The following FXYD6 variants were observed in gnomAD, a reference collection of about 807,000 sequenced individuals.
FXYD6 encodes FXYD domain-containing ion transport regulator 6.
Under a neutral mutation model 16.7 loss-of-function variants are expected in FXYD6, and 7 were observed. The ratio of observed to expected loss-of-function variants is 0.42; its 90% CI spans 0.24 to 0.79. The LOEUF (loss-of-function observed/expected upper bound fraction) is 0.79, where lower values mean the gene tolerates loss of function less well. Among genes scored for constraint, FXYD6 ranks in the 30% least tolerant of loss-of-function variants. The pLI is 0.28. For synonymous variants in FXYD6, 49 were observed against 43.0 expected (o/e 1.14, Z -0.54); for missense variants, 111 against 116.2 (o/e 0.95, Z 0.21).
intron 2 of FXYD6, 189 bp from the exon 3 acceptor site, chr11:117,842,217 C>A: frequency 1.3e-6 from 1 of 758,402 alleles, no homozygotes; most frequent in Non-Finnish European, 2.1e-6. Flanking sequence ...ACCCTAAGGG[C>A]CGAGGTCAGT....
chr11:117,857,622 T>C (rs1010512139), intron 1 of FXYD6, among the ~76,000 whole-genome samples: 12 of 152,114 alleles, frequency 7.9e-5, no homozygotes, highest in Admixed American at 6.5e-4. Context: ...TTGGCCAAGA[T>C]GGTCTCGATC....
At chr11:117,858,001 T>G (rs999811724) in intron 1 of FXYD6, among the ~76,000 whole-genome samples, 1 of 152,142 alleles carries the variant, frequency 6.6e-6, no homozygotes, top group Non-Finnish European at 1.5e-5. Flanking sequence ...TTGGAATGTG[T>G]TTTATTTTTA....
intron 1 of FXYD6, among the ~76,000 whole-genome samples, chr11:117,861,355 G>A (rs1337892762): frequency 6.6e-6 from 1 of 152,214 alleles, no homozygotes; most frequent in African/African-American, 2.4e-5. Context: ...GCCAATAGCT[G>A]ACAGGTACAG....
At chr11:117,868,137 T>C (rs1011189533) in intron 1 of FXYD6, among the ~76,000 whole-genome samples, 2 of 152,166 alleles carry the variant, frequency 1.3e-5, no homozygotes, top group African/African-American at 4.8e-5. Context: ...GATTCTCCTA[T>C]CGGAAAAGTC....
Position 117,841,981 on chromosome 11 carries a change from A to G in FXYD6, c.97+9T>C. ...CCTGACCCCTGCACCCAGGGTTGCC[A>G]TCGCTCACCATAATGAAAAGGGTCC... is the stretch of plus-strand genomic sequence containing the variant. On this transcript the variant is annotated intron_variant, in intron 3 of 7. Coordinates refer to ENST00000526014, the MANE Select transcript of FXYD6 (RefSeq NM_022003.4). 6.2e-7 allele frequency: 1 copy of G among 1,614,186 alleles called. No homozygotes were observed. The highest frequency in any genetic ancestry group is 8.5e-7 in the Non-Finnish European group (1 of 1,180,030).
chr11:117,868,146 T>C (rs2057050246), intron 1 of FXYD6, among the ~76,000 whole-genome samples: 2 of 152,126 alleles, frequency 1.3e-5, no homozygotes, highest in Non-Finnish European at 2.9e-5. Flanking sequence ...ATCGGAAAAG[T>C]CTCTGTGCTA....
chr11:117,872,133 G>C lies in FXYD6; in HGVS notation c.-6+4459C>G, dbSNP rs1469473508. On this transcript the variant is annotated intron_variant, in intron 1 of 7. Transcript: ENST00000526014. The surrounding 1 kb of genome is among the most constrained non-coding windows in gnomAD (Gnocchi z 4.9). ...AACATCAGTGGGTAAAATGGAATGG[G>C]CTGAGAGGGTGGACGTTCACAGGCC... Among the ~76,000 whole-genome samples the C allele has an allele frequency of 6.6e-6, 1 of 152,200 alleles. No individual in the cohort carries two copies. The highest frequency in any genetic ancestry group is 1.5e-5 in the Non-Finnish European group (1 of 68,042).
intron 1 of FXYD6, among the ~76,000 whole-genome samples, chr11:117,869,670 A>AAAG (rs60207647): frequency 2.6e-3 from 388 of 151,718 alleles, no homozygotes; most frequent in African/African-American, 5.0e-3. Flanking sequence ...GACAGAGGAA[A>AAAG]AAGAAGAAGA....
At chr11:117,847,541 G>A (rs906163409) in intron 1 of FXYD6, among the ~76,000 whole-genome samples, 4 of 129,172 alleles carry the variant, frequency 3.1e-5, no homozygotes, top group South Asian at 4.9e-4. Context: ...AGGCCCCGGT[G>A]TGTGATGTTC....
intron 1 of FXYD6, among the ~76,000 whole-genome samples, chr11:117,873,805 C>A (rs2057193148): frequency 6.6e-6 from 1 of 152,158 alleles, no homozygotes; most frequent in Non-Finnish European, 1.5e-5. Flanking sequence ...AGGAAACTGC[C>A]CTTTCTCCCC....
intron 7 of FXYD6, chr11:117,839,156 T>G (rs549163898): frequency 6.5e-6 from 1 of 153,046 alleles, no homozygotes; most frequent in East Asian, 1.9e-4. Flanking sequence ...GTTTCACCTA[T>G]AAAATGGGCT....
At chr11:117,876,295 C>T (rs1388924099) in intron 1 of FXYD6, among the ~76,000 whole-genome samples, 1 of 152,164 alleles carries the variant, frequency 6.6e-6, no homozygotes, top group Non-Finnish European at 1.5e-5. Flanking sequence ...AAAACCCTGA[C>T]CCCAAGCTCA....
At chr11:117,841,086 A>C (rs974693517) in intron 5 of FXYD6, 62 bp downstream of exon 5, 37 of 1,604,408 alleles carry the variant, frequency 2.3e-5, no homozygotes, top group Non-Finnish European at 3.2e-5. Context: ...GTCACACACC[A>C]GGGGTCCCTT....
intron 1 of FXYD6, among the ~76,000 whole-genome samples, chr11:117,858,852 T>C (rs1216062712): frequency 6.6e-6 from 1 of 151,340 alleles, no homozygotes; most frequent in African/African-American, 2.4e-5. Flanking sequence ...CTTGGCTCAC[T>C]GCAACCTCCT....
intron 1 of FXYD6, among the ~76,000 whole-genome samples, chr11:117,844,523 C>T (rs2056429549): frequency 6.6e-6 from 1 of 152,060 alleles, no homozygotes; most frequent in Non-Finnish European, 1.5e-5. Flanking sequence ...GAGACTGAGT[C>T]TCCCTGTGTC....
intron 5 of FXYD6, among the ~76,000 whole-genome samples, chr11:117,840,718 A>T (rs2056319607): frequency 6.6e-6 from 1 of 151,974 alleles, no homozygotes; most frequent in Non-Finnish European, 1.5e-5. Context: ...TCTATGTGGG[A>T]GTAGAAAGAA....
chr11:117,861,336 G>T (rs149025860), intron 1 of FXYD6, among the ~76,000 whole-genome samples: 5 of 152,314 alleles, frequency 3.3e-5, no homozygotes, highest in Non-Finnish European at 7.4e-5. Flanking sequence ...TCTGTTGGGG[G>T]AGAAGTCGGC....
upstream of FXYD6, chr11:117,877,029 G>C (rs1185886085): frequency 6.6e-6 from 1 of 152,278 alleles, no homozygotes; most frequent in Non-Finnish European, 1.5e-5. Context: ...TTGCTTTTCG[G>C]TTTCCCTCTG....
chr11:117,866,401 G>C (rs2057015139), intron 1 of FXYD6, among the ~76,000 whole-genome samples: 1 of 152,198 alleles, frequency 6.6e-6, no homozygotes, highest in Non-Finnish European at 1.5e-5. Context: ...GGGCTCACCT[G>C]ATGAGGGTGT....
Sources: gnomAD v4.1 joint callset for allele counts (sites outside exome capture counted in the v4.1 genomes callset) on GRCh38, gnomAD v4.1.1 for gene constraint, Gnocchi (gnomAD v3.1) non-coding constraint, MANE v1.5 for transcripts, NCBI Gene and HGNC (gene_info 2026-07-23, HGNC 2026-07-21) for gene names.